Variants in BLVRB observed in about 807,000 individuals in gnomAD.
The protein encoded by BLVRB is flavin reductase (NADPH).
A neutral mutation model predicts 21.1 loss-of-function variants in BLVRB; 25 were observed. The ratio of observed to expected loss-of-function variants is 1.19; its 90% CI spans 0.86 to 1.66. BLVRB has a LOEUF of 1.66. Ranked by LOEUF, BLVRB falls within the 40% of genes most tolerant of loss-of-function variation. The pLI, the probability that BLVRB is intolerant of heterozygous loss-of-function variation, is 0.00. For synonymous variants in BLVRB, 128 were observed against 122.2 expected, an observed-to-expected ratio of 1.05 and a Z score of -0.31; for missense variants, 274 against 282.7, an observed-to-expected ratio of 0.97 and a Z score of 0.22.
intron 1 of BLVRB, 125 bp from the exon 2 acceptor site, chr19:40,458,670 T>C (rs1367698248): frequency 2.4e-6 from 3 of 1,271,188 alleles, no homozygotes; most frequent in Non-Finnish European, 3.1e-6. Context: ...GGAAGTGGTC[T>C]TCAAACATTT....
rs1568742803 is a variant in BLVRB at position 40,465,590 on chromosome 19, C to T, written c.79+20G>A. 3 of 1,604,422 alleles carry T rather than the reference C, an allele frequency of 1.9e-6. No individual in the cohort carries two copies. Among genetic ancestry groups the T allele is most frequent in the East Asian group, 2.3e-5 (1 of 44,418 alleles). On this transcript the variant is annotated intron_variant, in intron 1 of 4. Transcript: ENST00000263368. Reference sequence around the variant, plus strand: ...CTGCCCGTCTGTCCCGTGACATGCCCCGCCCGCCCCGGCTCATGCCTGCTT... The same window carrying T: ...CTGCCCGTCTGTCCCGTGACATGCCTCGCCCGCCCCGGCTCATGCCTGCTT...
chr19:40,463,537 C>G (rs935889833), intron 1 of BLVRB, among the ~76,000 whole-genome samples: 2 of 133,354 alleles, frequency 1.5e-5, no homozygotes, highest in African/African-American at 2.7e-5. Flanking sequence ...CTCCCTCCCT[C>G]CCTCCCTCCC....
At chr19:40,458,292 C>T in intron 2 of BLVRB, 48 bp from the exon 3 acceptor site, 1 of 1,345,994 alleles carries the variant, frequency 7.4e-7, no homozygotes, top group Non-Finnish European at 9.9e-7. Flanking sequence ...GCGGCGGCGG[C>T]AGGGGTGGCA....
chr19:40,464,333 A>G (rs2079801385), intron 1 of BLVRB, among the ~76,000 whole-genome samples: 1 of 151,968 alleles, frequency 6.6e-6, no homozygotes, highest in African/African-American at 2.4e-5. Flanking sequence ...GCCTCAAGCC[A>G]TCCTCCCGCC....
chr19:40,448,395 A>G (rs543268925), intron 4 of BLVRB, among the ~76,000 whole-genome samples: 2 of 151,664 alleles, frequency 1.3e-5, no homozygotes, highest in East Asian at 3.9e-4. Context: ...GTTTGAAACT[A>G]TCCTGGGCAA....
Position 40,450,700 on chromosome 19 carries a change from G to A in BLVRB, c.463+664C>T, listed in dbSNP as rs527512218. Reference sequence around the variant, plus strand: ...TGGGACCACAGGTGTGTGCCACGACGCCCAGCTAATTTTTTTTTTTTTTTG... The same window carrying A: ...TGGGACCACAGGTGTGTGCCACGACACCCAGCTAATTTTTTTTTTTTTTTG... On this transcript the variant is annotated intron_variant, in intron 4 of 4. Coordinates refer to ENST00000263368, the MANE Select transcript of BLVRB (RefSeq NM_000713.3). Among the ~76,000 whole-genome samples the A allele has an allele frequency of 2.2e-3, 330 of 149,210 alleles. 1 individual carries two copies. The highest frequency in any genetic ancestry group is 0.011 in the Middle Eastern group (3 of 284).
At chr19:40,451,629 T>C (rs1599686326) in intron 3 of BLVRB, 137 bp from the exon 4 acceptor site, 1 of 1,204,848 alleles carries the variant, frequency 8.3e-7, no homozygotes, top group East Asian at 3.1e-5. Context: ...GCCTCCCGGG[T>C]TCAAGCAATT....
intron 1 of BLVRB, 29 bp from the exon 2 acceptor site, chr19:40,458,574 G>A: frequency 6.4e-7 from 1 of 1,559,626 alleles, no homozygotes; most frequent in Non-Finnish European, 8.7e-7. Context: ...AGAGAGCCTG[G>A]TCAGTGGGCT....
chr19:40,462,566 T>C (rs917468543), intron 1 of BLVRB, among the ~76,000 whole-genome samples: 2 of 146,752 alleles, frequency 1.4e-5, no homozygotes, highest in African/African-American at 4.9e-5. Flanking sequence ...GCGTGAGCCA[T>C]GGTGCCTGGC....
chr19:40,462,229 C>A (rs1325344782), intron 1 of BLVRB, among the ~76,000 whole-genome samples: 1 of 152,068 alleles, frequency 6.6e-6, no homozygotes, highest in Non-Finnish European at 1.5e-5. Context: ...TCTGTGCTGC[C>A]CTCACACATG....
intron 4 of BLVRB, 64 bp downstream of exon 4, chr19:40,451,300 T>A: frequency 6.4e-7 from 1 of 1,561,814 alleles, no homozygotes; most frequent in Non-Finnish European, 8.7e-7. Context: ...CTTGCAGATC[T>A]CCCCAGAGGG....
At position 40,451,375 on chromosome 19, in the gene BLVRB, G is replaced by A. The variant is rs767641935; in HGVS notation, c.452C>T (p.Pro151Leu). The change falls in exon 4 of 5, where the codon CCG becomes CTG. Residue 151 changes from proline to leucine, a missense_variant. Coordinates refer to ENST00000263368, the MANE Select transcript of BLVRB (RefSeq NM_000713.3). Reference protein sequence around the residue: ...ESGLKYVAVMPPHIGDQPLTG... With the variant: ...ESGLKYVAVMLPHIGDQPLTG... The stretch of plus-strand genomic sequence containing the variant: ...CCTGCCCTGCTTACCTATGTGTGGC[G>A]GCATCACAGCCACGTACTTCAGGCC... 4.4e-6 allele frequency: 7 copies of A among 1,604,454 alleles called. No individual in the cohort carries two copies. Among genetic ancestry groups the A allele is most frequent in the South Asian group, 2.2e-5 (2 of 88,994 alleles).
intron 1 of BLVRB, among the ~76,000 whole-genome samples, chr19:40,462,279 CTTT>C (rs1555806553): frequency 6.2e-5 from 8 of 129,612 alleles, no homozygotes; most frequent in Non-Finnish European, 6.5e-5. Context: ...TATGGGCATT[CTTT>C]TTTTTTTTTT....
intron 2 of BLVRB, 56 bp downstream of exon 2, chr19:40,458,313 CGGGGGCGGGGGT>C: frequency 1.5e-5 from 7 of 468,840 alleles, no homozygotes; most frequent in Non-Finnish European, 1.8e-5. Context: ...GGGGCGGGGC[CGGGGGCGGGGGT>C]GGCGCTGGGG....
rs1392368572 is a variant in BLVRB at position 40,461,108 on chromosome 19, C to A, written c.80-2563G>T. On this transcript the variant is annotated intron_variant, in intron 1 of 4. Transcript: ENST00000263368. ...ATGTTGGCCAGGCTGGTCTCGAACT[C>A]CTGGACTCAAGTAATCTGCCTGGCA... is the stretch of plus-strand genomic sequence containing the variant. Among the ~76,000 whole-genome samples the A allele has an allele frequency of 3.9e-5, 6 of 152,154 alleles. 1 individual carries two copies. The highest frequency in any genetic ancestry group is 1.2e-4 in the African/African-American group (5 of 41,448).
At chr19:40,452,603 C>A (rs1260176614) in intron 3 of BLVRB, among the ~76,000 whole-genome samples, 1 of 151,984 alleles carries the variant, frequency 6.6e-6, no homozygotes, top group Non-Finnish European at 1.5e-5. Flanking sequence ...GGTGGCTAAC[C>A]CCTGTAATCC....
intron 1 of BLVRB, among the ~76,000 whole-genome samples, chr19:40,459,830 C>T (rs1480264579): frequency 6.6e-6 from 1 of 152,184 alleles, no homozygotes; most frequent in Non-Finnish European, 1.5e-5. Flanking sequence ...CTTGGCCTCC[C>T]AAAGTGCTAG....
Position 40,460,307 on chromosome 19 carries a change from C to G in BLVRB, c.80-1762G>C, listed in dbSNP as rs1352748875. On this transcript the variant is annotated intron_variant, in intron 1 of 4. Coordinates refer to ENST00000263368, the MANE Select transcript of BLVRB (RefSeq NM_000713.3). ...ACAGGGTCTTGCTCTGTTGCCCAGG[C>G]TGGAGTGCAGGGGCGCCAATCATAG... Among the ~76,000 whole-genome samples the G allele has an allele frequency of 2.9e-5, 4 of 139,042 alleles. No homozygotes were observed. In the East Asian group the frequency reaches 6.0e-4, roughly 21 times the overall value. 91.2% of individuals were successfully genotyped at this position (139,042 alleles called of 152,430 possible).
intron 3 of BLVRB, 40 bp from the exon 4 acceptor site, chr19:40,451,532 G>T (rs755609892): frequency 2.6e-5 from 37 of 1,405,748 alleles, no homozygotes; most frequent in South Asian, 1.6e-4. Flanking sequence ...GGGCTCTCTT[G>T]TCTTTTTTTT....
Sources: gnomAD v4.1 joint callset for allele counts (sites outside exome capture counted in the v4.1 genomes callset) on GRCh38, gnomAD v4.1.1 for gene constraint, MANE v1.5 for transcripts, NCBI Gene and HGNC (gene_info 2026-07-23, HGNC 2026-07-21) for gene names.